Variants in PPP1R9A observed in about 807,000 individuals in gnomAD.
The protein encoded by PPP1R9A is protein phosphatase 1 regulatory subunit 9A.
Under a neutral mutation model 141.9 loss-of-function variants are expected in PPP1R9A, and 59 were observed. That is an observed-to-expected ratio of 0.42 (90% CI 0.34 to 0.52). The LOEUF (loss-of-function observed/expected upper bound fraction) is 0.52. Ranked by LOEUF, PPP1R9A falls within the 20% of genes least tolerant of loss-of-function variation. The probability of loss-of-function intolerance (pLI) is 0.10; values close to 1 mark genes in which losing one functional copy is unlikely to be tolerated. For synonymous variants in PPP1R9A, 500 were observed against 569.7 expected (o/e 0.88, Z 1.74); for missense variants, 1,444 against 1,611.9 (o/e 0.90, Z 1.78).
chr7:95,186,246 C>T (rs1834632424), intron 5 of PPP1R9A, among the ~76,000 whole-genome samples: 1 of 147,060 alleles, frequency 6.8e-6, no homozygotes, highest in Non-Finnish European at 1.5e-5. Flanking sequence ...TTCGAAACTC[C>T]CTAAATATTT....
intron 2 of PPP1R9A, among the ~76,000 whole-genome samples, chr7:95,059,442 A>G (rs1811928310): frequency 6.6e-6 from 1 of 152,166 alleles, no homozygotes; most frequent in Non-Finnish European, 1.5e-5. Flanking sequence ...ACGGAGGCTA[A>G]CCATACAAGA....
chr7:95,019,616 A>C (rs1430801614), intron 2 of PPP1R9A, among the ~76,000 whole-genome samples: 2 of 152,212 alleles, frequency 1.3e-5, no homozygotes, highest in Admixed American at 1.3e-4. Context: ...ACTTGATAAA[A>C]GAAAATACAT....
At chr7:95,066,418 CG>C (rs1248129346) in intron 2 of PPP1R9A, among the ~76,000 whole-genome samples, 7 of 151,778 alleles carry the variant, frequency 4.6e-5, no homozygotes, top group Non-Finnish European at 8.8e-5. Flanking sequence ...GAATTAAGTA[CG>C]TAGAGCCAAA....
At chr7:95,040,333 A>G (rs1026634346) in intron 2 of PPP1R9A, among the ~76,000 whole-genome samples, 1 of 151,984 alleles carries the variant, frequency 6.6e-6, no homozygotes, top group Non-Finnish European at 1.5e-5. Flanking sequence ...AAAAAGTGCT[A>G]TAAGGGATTT....
At chr7:95,220,226 G>T (rs781644688) in intron 7 of PPP1R9A, among the ~76,000 whole-genome samples, 20 of 152,154 alleles carry the variant, frequency 1.3e-4, no homozygotes, top group Non-Finnish European at 2.4e-4. Flanking sequence ...TGCAGATTTA[G>T]GAATTTTAAA....
intron 5 of PPP1R9A, among the ~76,000 whole-genome samples, chr7:95,191,805 G>C (rs1270553496): frequency 6.6e-6 from 1 of 151,796 alleles, no homozygotes; most frequent in Admixed American, 6.6e-5. Flanking sequence ...ATTTTTGTTT[G>C]TTGAAGCAAA....
At chr7:95,192,130 C>G (rs1364906723) in intron 5 of PPP1R9A, among the ~76,000 whole-genome samples, 1 of 151,920 alleles carries the variant, frequency 6.6e-6, no homozygotes, top group Non-Finnish European at 1.5e-5. Context: ...TATCCTTTTC[C>G]TATGGTTGAC....
chr7:95,119,000 A>G (rs1822039614), intron 3 of PPP1R9A, among the ~76,000 whole-genome samples: 1 of 145,890 alleles, frequency 6.9e-6, no homozygotes, highest in African/African-American at 2.5e-5. Flanking sequence ...AAAAAAAAAG[A>G]AGAAGAAGAA....
chr7:95,089,931 GTAT>G (rs958368728), intron 2 of PPP1R9A, among the ~76,000 whole-genome samples: 1 of 151,776 alleles, frequency 6.6e-6, no homozygotes, highest in Non-Finnish European at 1.5e-5. Flanking sequence ...CTGAAGCATG[GTAT>G]TATTATTATT....
chr7:95,239,278 T>A (rs1451212568), intron 8 of PPP1R9A, among the ~76,000 whole-genome samples: 1 of 152,206 alleles, frequency 6.6e-6, no homozygotes, highest in African/African-American at 2.4e-5. Flanking sequence ...ACTTCAAGAT[T>A]TATCAACCTT....
chr7:94,944,445 A>ACCCCCCCCCCCCCC (rs1010581987), intron 2 of PPP1R9A, among the ~76,000 whole-genome samples: 1 of 125,440 alleles, frequency 8.0e-6, no homozygotes, highest in African/African-American at 3.0e-5. Context: ...AGAAATATCC[A>ACCCCCCCCCCCCCC]CCCCCCCACC....
chr7:94,914,602 A>G (rs757894505), intron 2 of PPP1R9A, among the ~76,000 whole-genome samples: 4 of 152,212 alleles, frequency 2.6e-5, no homozygotes, highest in Non-Finnish European at 2.9e-5. Flanking sequence ...ACTTTGAGAT[A>G]TGGCATGGGA....
intron 2 of PPP1R9A, among the ~76,000 whole-genome samples, chr7:94,965,265 A>T (rs1428336678): frequency 1.3e-5 from 2 of 152,032 alleles, no homozygotes; most frequent in Non-Finnish European, 2.9e-5. Flanking sequence ...CCCATTCTAT[A>T]GGTTGCCTGT....
At chr7:95,082,611 G>A (rs754320312) in intron 2 of PPP1R9A, among the ~76,000 whole-genome samples, 1 of 151,726 alleles carries the variant, frequency 6.6e-6, no homozygotes, top group Non-Finnish European at 1.5e-5. Context: ...ATGGGGGCGT[G>A]TGCCTGTAAT....
intron 2 of PPP1R9A, among the ~76,000 whole-genome samples, chr7:95,092,340 T>A (rs570766382): frequency 7.3e-6 from 1 of 136,184 alleles, no homozygotes; most frequent in South Asian, 2.2e-4. Context: ...TATCTTATAC[T>A]ACACGCTTTT....
At chr7:95,273,768 G>A (rs969839144) in intron 14 of PPP1R9A, 131 bp from the exon 15 acceptor site, 3 of 870,108 alleles carry the variant, frequency 3.4e-6, no homozygotes, top group Non-Finnish European at 5.2e-6. Context: ...GGTCGTATAA[G>A]AAGGCATTGA....
chr7:95,219,804 A>G (rs142159462), intron 7 of PPP1R9A, among the ~76,000 whole-genome samples: 1 of 152,234 alleles, frequency 6.6e-6, no homozygotes, highest in African/African-American at 2.4e-5. Context: ...AAAGATACAA[A>G]CTAAATGACT....
intron 5 of PPP1R9A, among the ~76,000 whole-genome samples, chr7:95,193,771 C>T (rs1585179349): frequency 2.0e-5 from 3 of 152,140 alleles, no homozygotes; most frequent in Non-Finnish European, 2.9e-5. Context: ...CTTTCATTCA[C>T]CTCTGGAAAT....
chr7:95,075,946 TAA>T (rs1454471208), intron 2 of PPP1R9A, among the ~76,000 whole-genome samples: 1 of 152,148 alleles, frequency 6.6e-6, no homozygotes, highest in African/African-American at 2.4e-5. Context: ...GTATAGTAAT[TAA>T]GAGTTGTTTA....
Sources: gnomAD v4.1 joint callset for allele counts (sites outside exome capture counted in the v4.1 genomes callset) on GRCh38, gnomAD v4.1.1 for gene constraint, MANE v1.5 for transcripts, NCBI Gene and HGNC (gene_info 2026-07-23, HGNC 2026-07-21) for gene names.